RUNX3: variants seen among roughly 807,000 people sequenced by gnomAD.
RUNX3 encodes the protein RUNX family transcription factor 3.
RUNX3 carries 10 observed loss-of-function variants against 27.7 expected under a neutral mutation model. That is an observed-to-expected ratio of 0.36 (90% CI 0.22 to 0.61). The LOEUF (loss-of-function observed/expected upper bound fraction) is 0.61. Ranked by LOEUF, RUNX3 falls within the 20% of genes least tolerant of loss-of-function variation. RUNX3 has a pLI of 0.72. For missense variants in RUNX3, 469 were observed against 629.5 expected (o/e 0.75, Z 2.73); for synonymous variants, 270 against 269.2 (o/e 1.00, Z -0.03).
At chr1:24,935,950 C>T (rs1641340712) in intron 2 of RUNX3, among the ~76,000 whole-genome samples, 1 of 152,204 alleles carries the variant, frequency 6.6e-6, no homozygotes, top group African/African-American at 2.4e-5. Context: ...TCCAGCACCC[C>T]ACTCCTCGAT....
exon 1 of RUNX3, chr1:24,964,895 G>C (rs1192730182): frequency 2.3e-6 from 1 of 430,590 alleles, no homozygotes; most frequent in South Asian, 2.3e-5. Flanking sequence ...CAACAGAAGC[G>C]TATGCAGAGT....
chr1:24,922,463 T>C (rs572287476), intron 2 of RUNX3, among the ~76,000 whole-genome samples: 4 of 152,164 alleles, frequency 2.6e-5, no homozygotes, highest in Non-Finnish European at 4.4e-5. Context: ...ACAGAGGTAT[T>C]ATCAGCCGTA....
At chr1:24,911,969 A>G (rs1052952199) in intron 3 of RUNX3, among the ~76,000 whole-genome samples, 2 of 152,212 alleles carry the variant, frequency 1.3e-5, no homozygotes, top group Admixed American at 1.3e-4. Context: ...CGCTGGAGCC[A>G]CTGCCAGGGA....
intron 2 of RUNX3, chr1:24,964,369 C>G (rs1642199323): frequency 1.4e-6 from 1 of 691,414 alleles, no homozygotes; most frequent in African/African-American, 1.8e-5. Context: ...CCACCAACCC[C>G]TCTTCCCACC....
At chr1:24,941,090 T>C (rs1182070780) in intron 2 of RUNX3, among the ~76,000 whole-genome samples, 1 of 152,234 alleles carries the variant, frequency 6.6e-6, no homozygotes, top group African/African-American at 2.4e-5. Context: ...AAAGCTGCAC[T>C]GTTTCATCCG....
chr1:24,937,162 A>C (rs2124327629), intron 2 of RUNX3, among the ~76,000 whole-genome samples: 2 of 152,230 alleles, frequency 1.3e-5, no homozygotes, highest in East Asian at 3.9e-4. Context: ...CAGCTTCTCC[A>C]CCTGAACTGG....
intron 2 of RUNX3, among the ~76,000 whole-genome samples, chr1:24,945,954 C>G (rs1045391750): frequency 2.6e-5 from 4 of 152,144 alleles, no homozygotes; most frequent in African/African-American, 9.7e-5. Context: ...TGACTGTGAC[C>G]TCCCTGAGAA....
chr1:24,914,831 G>A (rs1358325055), intron 3 of RUNX3, among the ~76,000 whole-genome samples: 3 of 151,830 alleles, frequency 2.0e-5, no homozygotes, highest in Non-Finnish European at 4.4e-5. Flanking sequence ...TCCTGCCCAC[G>A]CCAAACCCTC....
intron 2 of RUNX3, among the ~76,000 whole-genome samples, chr1:24,920,452 C>G (rs1311638923): frequency 6.6e-6 from 1 of 152,122 alleles, no homozygotes; most frequent in African/African-American, 2.4e-5. Context: ...AGGGATGTGT[C>G]TATCAAGATG....
chr1:24,923,000 G>C (rs958348345), intron 2 of RUNX3, among the ~76,000 whole-genome samples: 1 of 152,136 alleles, frequency 6.6e-6, no homozygotes, highest in Middle Eastern at 3.2e-3. Context: ...CCAGCCCCTA[G>C]GACGGCATCC....
chr1:24,951,647 T>C (rs1269078047), intron 2 of RUNX3, among the ~76,000 whole-genome samples: 1 of 152,160 alleles, frequency 6.6e-6, no homozygotes, highest in Non-Finnish European at 1.5e-5. Context: ...CCACCAGCTC[T>C]TGCCAGAAAT....
chr1:24,962,174 C>T lies in RUNX3; in HGVS notation c.58+2340G>A, dbSNP rs895132873. ...TGCTCATCACAACTGCATGGCCCACCGCGGGGTCTTGTCACTCAGTGAGTT... is the reference window on the plus strand; with the variant it reads ...TGCTCATCACAACTGCATGGCCCACTGCGGGGTCTTGTCACTCAGTGAGTT... On this transcript the variant is annotated intron_variant, in intron 2 of 6. Coordinates refer to the RUNX3 transcript ENST00000338888. The surrounding 1 kb of genome is among the most constrained non-coding windows in gnomAD (Gnocchi z 4.5). The T allele has an allele frequency of 4.6e-5, 7 of 152,172 alleles. No homozygotes were observed. In the South Asian group the frequency reaches 6.2e-4, roughly 14 times the overall value. 9.4% of individuals were successfully genotyped at this position (152,172 alleles called of 1,614,324 possible). A position where few individuals can be genotyped will look rare whatever the true frequency, so the allele number is the denominator to read the frequency against.
chr1:24,918,281 T>A (rs1323846650), intron 3 of RUNX3, among the ~76,000 whole-genome samples: 4 of 152,126 alleles, frequency 2.6e-5, no homozygotes, highest in Non-Finnish European at 4.4e-5. Context: ...GAATCTTGCC[T>A]CTGGGAAGAC....
At chr1:24,920,363 C>T (rs779110605) in intron 2 of RUNX3, among the ~76,000 whole-genome samples, 54 of 152,080 alleles carry the variant, frequency 3.6e-4, no homozygotes, top group Non-Finnish European at 6.0e-4. Context: ...ATATTACGGG[C>T]GCGGATCCCT....
chr1:24,913,490 C>A (rs1029138310), intron 3 of RUNX3, among the ~76,000 whole-genome samples: 2 of 152,386 alleles, frequency 1.3e-5, no homozygotes, highest in South Asian at 4.1e-4. Context: ...AAGAATTACA[C>A]AGCCCACCAG....
intron 2 of RUNX3, among the ~76,000 whole-genome samples, chr1:24,939,961 T>C (rs185671776): frequency 1.1e-3 from 174 of 152,310 alleles, no homozygotes; most frequent in African/African-American, 4.0e-3. Context: ...CCCCCTCTGT[T>C]AGGGCCATGT....
rs994120536 is a variant in RUNX3 at position 24,943,107 on chromosome 1, C to A, written c.59-13255G>T. Among the ~76,000 whole-genome samples the A allele has an allele frequency of 6.6e-6, 1 of 152,262 alleles. No homozygotes were observed. Among genetic ancestry groups the A allele is most frequent in the African/African-American group, 2.4e-5 (1 of 41,468 alleles). On this transcript the variant is annotated intron_variant, in intron 2 of 6. Transcript: ENST00000338888. This position sits in a 1 kb window ranked among gnomAD's most constrained non-coding sequence, Gnocchi z 4.6. ...CGAGCCGGGTGTCATTGATCTTGCC[C>A]GGTGTTCCAGCCACCAGGCGGGACC...
chr1:24,926,170 C>G (rs558942595), intron 2 of RUNX3, among the ~76,000 whole-genome samples: 18 of 152,306 alleles, frequency 1.2e-4, no homozygotes, highest in African/African-American at 4.1e-4. Context: ...GCCACTGCCC[C>G]GCAGTCAGCA....
chr1:24,941,562 G>C (rs906486139), intron 2 of RUNX3, among the ~76,000 whole-genome samples: 2 of 152,192 alleles, frequency 1.3e-5, no homozygotes, highest in African/African-American at 4.8e-5. Context: ...TCAGAGCTGA[G>C]CCTTGAACCT....
Sources: gnomAD v4.1 joint callset for allele counts (sites outside exome capture counted in the v4.1 genomes callset) on GRCh38, gnomAD v4.1.1 for gene constraint, Gnocchi (gnomAD v3.1) non-coding constraint, MANE v1.5 for transcripts, NCBI Gene and HGNC (gene_info 2026-07-23, HGNC 2026-07-21) for gene names.